The following SGCZ variants were observed in gnomAD, a reference collection of about 807,000 sequenced individuals.
SGCZ encodes the protein sarcoglycan zeta.
A neutral mutation model predicts 41.3 loss-of-function variants in SGCZ; 40 were observed. The observed-to-expected ratio is 0.97, with a 90% CI of 0.75 to 1.26. The LOEUF (loss-of-function observed/expected upper bound fraction) is 1.26. SGCZ is among the 50% of genes most tolerant of loss of function. The probability of loss-of-function intolerance (pLI) is 0.00; values close to 1 mark genes in which losing one functional copy is unlikely to be tolerated. For synonymous variants in SGCZ, 206 were observed against 137.5 expected (o/e 1.50, Z -3.49); for missense variants, 552 against 369.8 (o/e 1.49, Z -4.04).
chr8:15,056,543 CAA>C (rs75954139), intron 1 of SGCZ, among the ~76,000 whole-genome samples: 15 of 126,914 alleles, frequency 1.2e-4, no homozygotes, highest in Middle Eastern at 3.9e-3. Flanking sequence ...TGTAGGTGAG[CAA>C]AAAAAAAAAA....
At chr8:14,712,594 C>A (rs1341981584) in intron 1 of SGCZ, among the ~76,000 whole-genome samples, 1 of 152,160 alleles carries the variant, frequency 6.6e-6, no homozygotes, top group African/African-American at 2.4e-5. Flanking sequence ...GGAAGCAATT[C>A]CCTTATCACA....
At chr8:14,705,393 A>G (rs917108311) in intron 1 of SGCZ, among the ~76,000 whole-genome samples, 3 of 152,006 alleles carry the variant, frequency 2.0e-5, no homozygotes, top group Non-Finnish European at 4.4e-5. Context: ...CTATGTGACT[A>G]TAATCAAATT....
intron 1 of SGCZ, among the ~76,000 whole-genome samples, chr8:14,843,314 C>T (rs562983446): frequency 7.2e-5 from 11 of 151,984 alleles, no homozygotes; most frequent in East Asian, 5.8e-4. Flanking sequence ...GTTTAAAACA[C>T]GACCTATGAG....
intron 4 of SGCZ, among the ~76,000 whole-genome samples, chr8:14,217,015 C>T (rs1412068228): frequency 6.6e-6 from 1 of 152,058 alleles, no homozygotes; most frequent in Non-Finnish European, 1.5e-5. Flanking sequence ...AGGATGGGCA[C>T]GGTGGCTCAC....
chr8:14,937,686 T>G (rs929193061), intron 1 of SGCZ, among the ~76,000 whole-genome samples: 3 of 152,172 alleles, frequency 2.0e-5, no homozygotes, highest in Non-Finnish European at 2.9e-5. Flanking sequence ...ATGAATTGTG[T>G]TGAGCTCTTA....
intron 1 of SGCZ, among the ~76,000 whole-genome samples, chr8:15,097,348 T>G (rs1399918727): frequency 1.1e-4 from 16 of 152,082 alleles, no homozygotes; most frequent in African/African-American, 3.9e-4. Context: ...CTGCAGTAGC[T>G]TGAGCATAAA....
At chr8:15,211,097 A>T (rs1801223361) in intron 1 of SGCZ, among the ~76,000 whole-genome samples, 1 of 151,012 alleles carries the variant, frequency 6.6e-6, no homozygotes, top group Non-Finnish European at 1.5e-5. Flanking sequence ...ATATAGATAT[A>T]TATAGCTATA....
At chr8:14,128,295 T>C (rs12678130) in intron 5 of SGCZ, among the ~76,000 whole-genome samples, 18,176 of 152,168 alleles carry the variant, frequency 0.12, 1,169 homozygotes, top group Middle Eastern at 0.21. Flanking sequence ...ACAAACCATG[T>C]TGAAAAAATG....
chr8:14,099,538 A>G (rs1801946352), intron 7 of SGCZ, among the ~76,000 whole-genome samples: 1 of 152,148 alleles, frequency 6.6e-6, no homozygotes, highest in Non-Finnish European at 1.5e-5. Context: ...AAGCCTGACC[A>G]ACATGGCGAC....
intron 1 of SGCZ, among the ~76,000 whole-genome samples, chr8:14,996,935 T>G (rs919053001): frequency 6.6e-6 from 1 of 152,236 alleles, no homozygotes; most frequent in African/African-American, 2.4e-5. Flanking sequence ...ATTCGTGGGT[T>G]AATAGAGGGC....
intron 1 of SGCZ, among the ~76,000 whole-genome samples, chr8:15,195,444 C>T (rs1370771875): frequency 6.6e-6 from 1 of 152,126 alleles, no homozygotes; most frequent in African/African-American, 2.4e-5. Context: ...TCTTAGTGCT[C>T]GGCAAGCTCA....
At chr8:14,388,706 T>C (rs1354599277) in intron 2 of SGCZ, among the ~76,000 whole-genome samples, 1 of 151,896 alleles carries the variant, frequency 6.6e-6, no homozygotes, top group Non-Finnish European at 1.5e-5. Flanking sequence ...TCCTTGAAGA[T>C]GAACAAGCAA....
intron 6 of SGCZ, among the ~76,000 whole-genome samples, chr8:14,107,393 C>T (rs999602213): frequency 2.6e-5 from 4 of 152,018 alleles, no homozygotes; most frequent in African/African-American, 4.8e-5. Flanking sequence ...ATAAATGCCT[C>T]CTAGAACCAT....
At chr8:14,327,375 G>A (rs886081556) in intron 2 of SGCZ, among the ~76,000 whole-genome samples, 1 of 152,134 alleles carries the variant, frequency 6.6e-6, no homozygotes, top group African/African-American at 2.4e-5. Context: ...TGTATAAATG[G>A]AATTTTCTGG....
intron 2 of SGCZ, among the ~76,000 whole-genome samples, chr8:14,465,033 T>C (rs1253697606): frequency 6.6e-6 from 1 of 151,690 alleles, no homozygotes; most frequent in Non-Finnish European, 1.5e-5. Flanking sequence ...CATGTACCCT[T>C]GAGAAGAATA....
At chr8:14,600,818 T>C (rs968098725) in intron 1 of SGCZ, among the ~76,000 whole-genome samples, 1 of 151,996 alleles carries the variant, frequency 6.6e-6, no homozygotes, top group Non-Finnish European at 1.5e-5. Flanking sequence ...TCCATTGTTG[T>C]ACTTAATACA....
chr8:14,919,120 T>G (rs1799518921), intron 1 of SGCZ, among the ~76,000 whole-genome samples: 1 of 152,190 alleles, frequency 6.6e-6, no homozygotes. Context: ...ATATCATATG[T>G]TAGTCATATT....
intron 1 of SGCZ, among the ~76,000 whole-genome samples, chr8:14,604,626 T>A (rs953993891): frequency 6.6e-6 from 1 of 152,178 alleles, no homozygotes; most frequent in Admixed American, 6.5e-5. Flanking sequence ...AAGATATGAC[T>A]GTCAAAGTAA....
At chr8:14,443,218 G>A (rs1377366548) in intron 2 of SGCZ, among the ~76,000 whole-genome samples, 2 of 151,964 alleles carry the variant, frequency 1.3e-5, no homozygotes, top group African/African-American at 2.4e-5. Context: ...TCAATATTGT[G>A]AAAATGGCCA....
Sources: gnomAD v4.1 joint callset for allele counts (sites outside exome capture counted in the v4.1 genomes callset) on GRCh38, gnomAD v4.1.1 for gene constraint, MANE v1.5 for transcripts, NCBI Gene and HGNC (gene_info 2026-07-23, HGNC 2026-07-21) for gene names.